TENM1: variants seen among roughly 807,000 people sequenced by gnomAD.
The protein encoded by TENM1 is teneurin transmembrane protein 1.
A neutral mutation model predicts 174.8 loss-of-function variants in TENM1; 35 were observed. The observed-to-expected ratio is 0.20, with a 90% confidence interval of 0.15 to 0.27. TENM1 has a LOEUF of 0.27. Among genes scored for constraint, TENM1 ranks in the 10% least tolerant of loss-of-function variants. TENM1 has a pLI of 1.00. For synonymous variants in TENM1, 781 were observed against 798.7 expected (o/e 0.98, Z 0.37); for missense variants, 1,633 against 2,130.1 (o/e 0.77, Z 4.59).
At chrX:125,138,931 CAT>C in the TENM1 span, among the ~76,000 whole-genome samples, 1 of 111,105 alleles carries the variant, frequency 9.0e-6, no homozygotes, top group East Asian at 2.8e-4. Flanking sequence ...ACCATGTGCA[CAT>C]GAGAGACACA....
chrX:124,738,029 GCACACGTAAAGA>G (rs1490885064), intron 3 of TENM1, among the ~76,000 whole-genome samples: 1 of 111,695 alleles, frequency 9.0e-6, no homozygotes, highest in South Asian at 3.8e-4. Flanking sequence ...TTCCTGGCAG[GCACACGTAAAGA>G]CAGTGAGTTA....
intron 11 of TENM1, among the ~76,000 whole-genome samples, chrX:124,602,166 C>A (rs1360474313): frequency 9.0e-6 from 1 of 110,911 alleles, no homozygotes; most frequent in African/African-American, 3.3e-5. Flanking sequence ...TTAATTATAT[C>A]GATTCTAAAG....
At chrX:125,184,413 T>C in the TENM1 span, among the ~76,000 whole-genome samples, 1 of 112,187 alleles carries the variant, frequency 8.9e-6, no homozygotes, top group Non-Finnish European at 1.9e-5. Context: ...TGTCATTTTA[T>C]TTTCTGATCT....
chrX:124,977,567 G>A, the TENM1 span, among the ~76,000 whole-genome samples: 1 of 110,385 alleles, frequency 9.1e-6, no homozygotes, highest in Non-Finnish European at 1.9e-5. Flanking sequence ...ATCCATATTT[G>A]AAACATTTCC....
chrX:124,421,436 C>G (rs1409356283), intron 24 of TENM1, among the ~76,000 whole-genome samples: 1 of 111,979 alleles, frequency 8.9e-6, no homozygotes, highest in Non-Finnish European at 1.9e-5. Context: ...TCACTCCTGA[C>G]TCCTCTGGCC....
chrX:125,181,018 CT>C, the TENM1 span, among the ~76,000 whole-genome samples: 3 of 111,893 alleles, frequency 2.7e-5, no homozygotes, highest in African/African-American at 9.8e-5. Flanking sequence ...TCATTCCCCC[CT>C]ACCAGATGAA....
At chrX:125,007,464 G>T in the TENM1 span, among the ~76,000 whole-genome samples, 2 of 111,297 alleles carry the variant, frequency 1.8e-5, no homozygotes, top group Non-Finnish European at 3.8e-5. Flanking sequence ...CACACTTCAG[G>T]ATATTGTCCA....
Position 124,922,326 on chromosome X carries a change from T to G in TENM1, c.218-26085A>C, listed in dbSNP as rs1368711627. On this transcript the variant is annotated intron_variant, in intron 1 of 31. Coordinates refer to ENST00000422452, the Ensembl canonical transcript of TENM1. ...TTTCTGCCAAAAAGCCTGAAAGATT[T>G]TCTCTTTATCCTTGAGATTTAGGAA... Among the ~76,000 whole-genome samples the G allele has an allele frequency of 2.7e-5, 3 of 111,807 alleles. No homozygotes were observed. In the East Asian group the frequency reaches 8.4e-4, roughly 31 times the overall value.
chrX:124,637,883 G>A (rs1035055909), intron 11 of TENM1, among the ~76,000 whole-genome samples: 1 of 112,196 alleles, frequency 8.9e-6, no homozygotes, highest in African/African-American at 3.2e-5. Flanking sequence ...GAAATGTTAG[G>A]CAAATAAACA....
intron 14 of TENM1, among the ~76,000 whole-genome samples, chrX:124,555,187 T>C (rs2048666646): frequency 9.0e-6 from 1 of 111,294 alleles, no homozygotes; most frequent in South Asian, 3.9e-4. Flanking sequence ...TCTTCCTGAC[T>C]CATGTTCCAG....
chrX:124,717,741 T>C (rs1459773419), intron 4 of TENM1, among the ~76,000 whole-genome samples: 1 of 112,066 alleles, frequency 8.9e-6, no homozygotes, highest in African/African-American at 3.2e-5. Flanking sequence ...ATTTTCCATA[T>C]TGAGCAAGAA....
chrX:124,867,896 G>A (rs750062361), intron 3 of TENM1, among the ~76,000 whole-genome samples: 4 of 111,305 alleles, frequency 3.6e-5, no homozygotes, highest in Admixed American at 9.5e-5. Context: ...TAGCCACACA[G>A]AAAATAAAAT....
intron 11 of TENM1, among the ~76,000 whole-genome samples, chrX:124,641,178 A>C (rs1030125115): frequency 9.0e-6 from 1 of 111,555 alleles, no homozygotes; most frequent in African/African-American, 3.3e-5. Context: ...CAAAGGAACG[A>C]TTTATGCAGG....
chrX:124,394,619 A>C (rs1416821347), intron 27 of TENM1, among the ~76,000 whole-genome samples: 1 of 112,522 alleles, frequency 8.9e-6, no homozygotes, highest in Non-Finnish European at 1.9e-5. Context: ...AAAAATTAGA[A>C]ATATAGAAAT....
the TENM1 span, among the ~76,000 whole-genome samples, chrX:125,151,472 G>A: frequency 9.0e-6 from 1 of 111,725 alleles, no homozygotes; most frequent in Admixed American, 9.5e-5. Flanking sequence ...AAAGACATAC[G>A]GATTATTTGG....
the TENM1 span, among the ~76,000 whole-genome samples, chrX:125,132,226 G>C: frequency 1.8e-5 from 2 of 110,932 alleles, no homozygotes; most frequent in African/African-American, 6.6e-5. Context: ...GGTCACATGG[G>C]GTTCTATTCT....
At chrX:125,152,509 G>A in the TENM1 span, among the ~76,000 whole-genome samples, 1 of 112,129 alleles carries the variant, frequency 8.9e-6, no homozygotes, top group Non-Finnish European at 1.9e-5. Flanking sequence ...AAGCATTCCT[G>A]TGTAATAGAA....
At chrX:124,506,793 G>T (rs1231617545) in intron 18 of TENM1, among the ~76,000 whole-genome samples, 1 of 111,808 alleles carries the variant, frequency 8.9e-6, no homozygotes. Flanking sequence ...AAGCTCACAA[G>T]AACTAGCAAA....
the TENM1 span, among the ~76,000 whole-genome samples, chrX:125,183,557 G>T: frequency 1.8e-5 from 2 of 111,787 alleles, no homozygotes; most frequent in Non-Finnish European, 1.9e-5. Flanking sequence ...GACCTCGAAC[G>T]ACCATCATGC....
Sources: allele counts gnomAD v4.1 joint callset (sites outside exome capture counted in the v4.1 genomes callset), GRCh38; gene constraint gnomAD v4.1.1; transcripts MANE v1.5; gene names NCBI Gene and HGNC (gene_info 2026-07-23, HGNC 2026-07-21).